WFDC2: variants seen among roughly 807,000 people sequenced by gnomAD.
The protein encoded by WFDC2 is WAP four-disulfide core domain protein 2.
A neutral mutation model predicts 12.5 loss-of-function variants in WFDC2; 8 were observed. That is an observed-to-expected ratio of 0.64 (90% CI 0.37 to 1.15). WFDC2 has a LOEUF of 1.15. WFDC2 is among the 50% of genes most tolerant of loss of function. WFDC2 has a pLI of 0.01. For missense variants in WFDC2, 166 were observed against 159.9 expected (o/e 1.04, Z -0.21); for synonymous variants, 74 against 67.2 (o/e 1.10, Z -0.49).
Position 45,470,678 on chromosome 20 carries a change from C to A in WFDC2, c.223+146C>A. 8.4e-7 allele frequency: 1 copy of A among 1,197,154 alleles called. No individual in the cohort carries two copies. The highest frequency in any genetic ancestry group is 1.1e-6 in the Non-Finnish European group (1 of 881,660). The allele number at this position is 1,197,154 out of a possible 1,614,324, so 74.2% of individuals were successfully genotyped here. ...GGCGGTTGAAACCAGATCCGTCAGT[C>A]CTCTCCCTCGCACGGCCCAGGGGTA... On this transcript the variant is annotated intron_variant, in intron 2 of 3. Coordinates refer to ENST00000372676, the MANE Select transcript of WFDC2 (RefSeq NM_006103.4). The surrounding 1 kb of genome is among the most constrained non-coding windows in gnomAD (Gnocchi z 5.4).
rs1029144229 is a variant in WFDC2 at position 45,470,796 on chromosome 20, C to T, written c.223+264C>T. Among the ~76,000 whole-genome samples, 2 of 152,318 alleles carry T rather than the reference C, an allele frequency of 1.3e-5. No individual in the cohort carries two copies. Among genetic ancestry groups the T allele is most frequent in the East Asian group, 1.9e-4 (1 of 5,168 alleles). ...TGCATGACGGGCTTCCGGGCACGCA[C>T]AGCCGGGACATTGTTCCCCGCGGCC... On this transcript the variant is annotated intron_variant, in intron 2 of 3. Transcript: ENST00000372676. This position sits in a 1 kb window ranked among gnomAD's most constrained non-coding sequence, Gnocchi z 5.4.
intron 2 of WFDC2, among the ~76,000 whole-genome samples, chr20:45,477,827 G>A (rs1991252016): frequency 6.6e-6 from 1 of 152,214 alleles, no homozygotes; most frequent in Non-Finnish European, 1.5e-5. Flanking sequence ...CCCTGACTAG[G>A]GCTGCTGCCT....
At chr20:45,474,393 T>C (rs1991208189) in intron 2 of WFDC2, among the ~76,000 whole-genome samples, 1 of 152,194 alleles carries the variant, frequency 6.6e-6, no homozygotes, top group African/African-American at 2.4e-5. Flanking sequence ...ATGAAGGGTG[T>C]TGAATTTTAT....
chr20:45,470,934 C>T lies in WFDC2; in HGVS notation c.223+402C>T, dbSNP rs553617255. On this transcript the variant is annotated intron_variant, in intron 2 of 3. Coordinates refer to ENST00000372676, the MANE Select transcript of WFDC2 (RefSeq NM_006103.4). The surrounding 1 kb of genome is among the most constrained non-coding windows in gnomAD (Gnocchi z 5.4). ...CTTGGAGTCCCTCCCTGGGGGCCTCCCCCAGCCCTGGGGAAAGACTGGGAG... is the reference window on the plus strand; with the variant it reads ...CTTGGAGTCCCTCCCTGGGGGCCTCTCCCAGCCCTGGGGAAAGACTGGGAG... 2.0e-5 allele frequency among the ~76,000 whole-genome samples: 3 copies of T among 152,302 alleles called. No individual in the cohort carries two copies. In the South Asian group the frequency reaches 6.2e-4, roughly 32 times the overall value.
chr20:45,478,561 T>G (rs1460632943), intron 2 of WFDC2, among the ~76,000 whole-genome samples: 1 of 152,166 alleles, frequency 6.6e-6, no homozygotes, highest in Non-Finnish European at 1.5e-5. Flanking sequence ...ACCTGCCTTC[T>G]GCATTGATTC....
intron 2 of WFDC2, among the ~76,000 whole-genome samples, chr20:45,475,238 CT>C (rs1458037095): frequency 5.9e-5 from 9 of 151,858 alleles, no homozygotes. Context: ...TTTGTTTGTT[CT>C]TGCTTTTCTA....
Position 45,470,438 on chromosome 20 carries a change from G to T in WFDC2, c.129G>T (p.Gln43His). ...TGVCPELQAD[Q>H]NCTQECVSDS... ...TGTGCCCCGAGCTCCAGGCTGACCA[G>T]AACTGCACGCAAGAGTGCGTCTCGG... The change falls in exon 2 of 4, where the codon CAG becomes CAT. Residue 43 changes from glutamine (Q) to histidine (H), a missense_variant. Gln to His is a conservative substitution (Grantham distance 24, BLOSUM62 0). Coordinates refer to ENST00000372676, the MANE Select transcript of WFDC2 (RefSeq NM_006103.4). The surrounding 1 kb of genome is among the most constrained non-coding windows in gnomAD (Gnocchi z 5.4). The T allele has an allele frequency of 6.3e-7, 1 of 1,594,548 alleles. No homozygotes were observed. The highest frequency in any genetic ancestry group is 8.5e-7 in the Non-Finnish European group (1 of 1,169,800).
At chr20:45,477,244 G>A (rs1246428314) in intron 2 of WFDC2, among the ~76,000 whole-genome samples, 1 of 152,064 alleles carries the variant, frequency 6.6e-6, no homozygotes, top group Non-Finnish European at 1.5e-5. Context: ...TGATCCTTTG[G>A]AGAAGAGGTG....
intron 3 of WFDC2, among the ~76,000 whole-genome samples, chr20:45,480,331 T>G (rs1376673276): frequency 6.6e-6 from 1 of 151,744 alleles, no homozygotes; most frequent in African/African-American, 2.4e-5. Flanking sequence ...CTTGGCTGGG[T>G]GTGGTGGCTC....
chr20:45,474,146 T>G (rs557136625), intron 2 of WFDC2, among the ~76,000 whole-genome samples: 1 of 152,356 alleles, frequency 6.6e-6, no homozygotes, highest in East Asian at 1.9e-4. Context: ...TGACTTCCTC[T>G]TTTCCTAATT....
At chr20:45,476,283 A>G (rs6032220) in intron 2 of WFDC2, among the ~76,000 whole-genome samples, 20 of 152,230 alleles carry the variant, frequency 1.3e-4, no homozygotes, top group African/African-American at 4.6e-4. Flanking sequence ...TGGTCTTTAC[A>G]ATTTGGTATG....
intron 2 of WFDC2, among the ~76,000 whole-genome samples, chr20:45,479,133 G>A (rs189007142): frequency 9.5e-4 from 145 of 152,324 alleles, no homozygotes; most frequent in Non-Finnish European, 5.4e-4. Context: ...GTGGAAGGAC[G>A]TGTGGTTTCT....
intron 1 of WFDC2, 137 bp downstream of exon 1, chr20:45,469,997 C>A: frequency 1.8e-6 from 2 of 1,120,360 alleles, no homozygotes; most frequent in Non-Finnish European, 2.5e-6. Context: ...ACCCTTGGAG[C>A]CTAGGGTGTG....
At chr20:45,475,770 G>A (rs117785065) in intron 2 of WFDC2, among the ~76,000 whole-genome samples, 10,578 of 152,256 alleles carry the variant, frequency 0.069, 418 homozygotes, top group South Asian at 0.13. Context: ...AATATTGACA[G>A]TGGGGGTTAA....
intron 2 of WFDC2, chr20:45,479,669 G>A (rs758615789): frequency 7.8e-5 from 126 of 1,613,702 alleles, no homozygotes; most frequent in South Asian, 7.7e-4. Flanking sequence ...CTAAAGACAC[G>A]GAGGCTCTGG....
In WFDC2 at chr20:45,470,559, C is replaced by T; in HGVS notation, c.223+27C>T. The stretch of plus-strand genomic sequence containing the variant: ...TAACCCCACGGCGGCCGAGCGGGAA[C>T]GGGGCGGGGCCGCGCTGGGCTGGGA... On this transcript the variant is annotated intron_variant, in intron 2 of 3. Transcript: ENST00000372676. This position sits in a 1 kb window ranked among gnomAD's most constrained non-coding sequence, Gnocchi z 5.4. The T allele has an allele frequency of 6.4e-7, 1 of 1,563,612 alleles. No individual in the cohort carries two copies. The highest frequency in any genetic ancestry group is 1.3e-5 in the African/African-American group (1 of 74,290).
At position 45,469,815 on chromosome 20, in the gene WFDC2, GC is replaced by G; in HGVS notation, c.37del (p.Leu13SerfsTer12). The part of the protein sequence containing the change: ...PACRLGPLAA[A>X]LLLSLLLFGF... ...TTGTCGCCTAGGCCCGCTAGCCGCC[GC>G]CCTCCTCCTCAGCCTGCTGCTGTTC... On this transcript the variant is annotated frameshift_variant, in exon 1 of 4. Coordinates refer to ENST00000372676, the MANE Select transcript of WFDC2 (RefSeq NM_006103.4). LOFTEE classifies it high-confidence loss of function. 1 of 1,610,844 alleles carries G rather than the reference GC, an allele frequency of 6.2e-7. No homozygotes were observed. The highest frequency in any genetic ancestry group is 8.5e-7 in the Non-Finnish European group (1 of 1,178,926).
At position 45,470,326 on chromosome 20, in the gene WFDC2, G is replaced by A; in HGVS notation, c.80-63G>A. Reference sequence around the variant, plus strand: ...TTGGGGTTAAGGTTTGGAGCAGGAGGTGGGCATCCTCTGGGGCTGGCGCTA... The same window carrying A: ...TTGGGGTTAAGGTTTGGAGCAGGAGATGGGCATCCTCTGGGGCTGGCGCTA... On this transcript the variant is annotated intron_variant, in intron 1 of 3. Coordinates refer to ENST00000372676, the MANE Select transcript of WFDC2 (RefSeq NM_006103.4). This position sits in a 1 kb window ranked among gnomAD's most constrained non-coding sequence, Gnocchi z 5.4. The A allele has an allele frequency of 2.0e-6, 3 of 1,519,696 alleles. No homozygotes were observed. The East Asian group carries it at 7.4e-5, about 37-fold the overall frequency. 94.1% of individuals were successfully genotyped at this position (1,519,696 alleles called of 1,614,324 possible).
In WFDC2 at chr20:45,479,947, G is replaced by A. The variant is rs371859571; in HGVS notation, c.229G>A (p.Glu77Lys). 3.1e-6 allele frequency: 5 copies of A among 1,614,244 alleles called. No homozygotes were observed. Among genetic ancestry groups the A allele is most frequent in the Non-Finnish European group, 3.4e-6 (4 of 1,180,042 alleles). The change falls in exon 3 of 4, where the codon GAG becomes AAG. Residue 77 changes from glutamate to lysine, a missense_variant. By Grantham distance (56) the Glu-to-Lys change is moderately conservative. Transcript: ENST00000372676. ...ATFCSLPNDK[E>K]GSCPQVNINF... is the part of the protein sequence containing the mutation. ...TTACTCCTTTTTCTACCCAGATAAG[G>A]AGGGTTCCTGCCCCCAGGTGAACAT...
Sources: gnomAD v4.1 joint callset for allele counts (sites outside exome capture counted in the v4.1 genomes callset) on GRCh38, gnomAD v4.1.1 for gene constraint, Gnocchi (gnomAD v3.1) non-coding constraint, MANE v1.5 for transcripts, NCBI Gene and HGNC (gene_info 2026-07-23, HGNC 2026-07-21) for gene names.